TNFSF4: variants seen among roughly 807,000 people sequenced by gnomAD.
TNFSF4 encodes tumor necrosis factor ligand superfamily member 4.
A neutral mutation model predicts 7.3 loss-of-function variants in TNFSF4; 4 were observed. The ratio of observed to expected loss-of-function variants is 0.55; its 90% confidence interval spans 0.27 to 1.25. TNFSF4 has a LOEUF of 1.25. Ranked by LOEUF, TNFSF4 falls within the 50% of genes most tolerant of loss-of-function variation. TNFSF4 has a pLI of 0.12. For missense variants in TNFSF4, 181 were observed against 208.8 expected (o/e 0.87, Z 0.82); for synonymous variants, 76 against 83.7 (o/e 0.91, Z 0.50).
the TNFSF4 span, among the ~76,000 whole-genome samples, chr1:173,176,608 CA>C: frequency 6.6e-6 from 1 of 152,056 alleles, no homozygotes; most frequent in South Asian, 2.1e-4. Context: ...TTCAACCCAG[CA>C]AAACTATTAT....
chr1:173,188,092 C>G (rs1037499153), intron 2 of TNFSF4, among the ~76,000 whole-genome samples: 2 of 152,178 alleles, frequency 1.3e-5, no homozygotes, highest in Non-Finnish European at 2.9e-5. Context: ...TCTCTGGAGT[C>G]GAAGTTTTTA....
At chr1:173,368,611 G>C in the TNFSF4 span, among the ~76,000 whole-genome samples, 1 of 152,108 alleles carries the variant, frequency 6.6e-6, no homozygotes. Context: ...TGGGAGCGTT[G>C]GTTTTCCTGG....
At chr1:173,322,423 G>A in the TNFSF4 span, among the ~76,000 whole-genome samples, 82 of 152,088 alleles carry the variant, frequency 5.4e-4, no homozygotes, top group East Asian at 1.5e-3. Context: ...CAAGATGGCC[G>A]AATAGGAACA....
At chr1:173,336,540 A>T in the TNFSF4 span, among the ~76,000 whole-genome samples, 1 of 152,178 alleles carries the variant, frequency 6.6e-6, no homozygotes, top group Non-Finnish European at 1.5e-5. Context: ...TGAGCCCACA[A>T]GGCCAGAAAT....
chr1:173,312,645 G>T, the TNFSF4 span, among the ~76,000 whole-genome samples: 60 of 152,166 alleles, frequency 3.9e-4, no homozygotes, highest in African/African-American at 1.3e-3. Flanking sequence ...CTTACCACCA[G>T]TCCCTCTCCC....
At chr1:173,319,217 G>A in the TNFSF4 span, among the ~76,000 whole-genome samples, 15 of 152,154 alleles carry the variant, frequency 9.9e-5, no homozygotes, top group African/African-American at 3.1e-4. Flanking sequence ...AGTGCTAAAG[G>A]GTCTGGGAGG....
the TNFSF4 span, among the ~76,000 whole-genome samples, chr1:173,285,668 T>C: frequency 6.6e-6 from 1 of 152,198 alleles, no homozygotes; most frequent in East Asian, 1.9e-4. Flanking sequence ...CAAGTTTCTC[T>C]ACCAGCAAAA....
the TNFSF4 span, among the ~76,000 whole-genome samples, chr1:173,325,298 G>C: frequency 6.6e-6 from 1 of 151,934 alleles, no homozygotes; most frequent in Middle Eastern, 3.2e-3. Flanking sequence ...CAGAAATAAA[G>C]ATGTTCTTTG....
At chr1:173,293,173 T>C in the TNFSF4 span, among the ~76,000 whole-genome samples, 1 of 151,644 alleles carries the variant, frequency 6.6e-6, no homozygotes, top group Non-Finnish European at 1.5e-5. Context: ...CCTAAGCAAA[T>C]AGAACACAGC....
chr1:173,339,693 A>G, the TNFSF4 span, among the ~76,000 whole-genome samples: 1 of 152,146 alleles, frequency 6.6e-6, no homozygotes, highest in African/African-American at 2.4e-5. Context: ...GATATCAAGG[A>G]GAAGAATAAA....
chr1:173,408,041 A>G, the TNFSF4 span, among the ~76,000 whole-genome samples: 1 of 152,200 alleles, frequency 6.6e-6, no homozygotes, highest in Non-Finnish European at 1.5e-5. Flanking sequence ...TCAGACCCCA[A>G]CCATGCTGGC....
the TNFSF4 span, among the ~76,000 whole-genome samples, chr1:173,424,356 A>G: frequency 6.6e-6 from 1 of 152,260 alleles, no homozygotes; most frequent in Admixed American, 6.5e-5. Flanking sequence ...TCACTAAAAG[A>G]GGAAGACCTA....
At chr1:173,273,327 G>A in the TNFSF4 span, among the ~76,000 whole-genome samples, 4 of 151,990 alleles carry the variant, frequency 2.6e-5, no homozygotes, top group Non-Finnish European at 4.4e-5. Context: ...CTCCTGATAC[G>A]GACTTTCTTC....
the TNFSF4 span, among the ~76,000 whole-genome samples, chr1:173,408,691 G>T: frequency 1.1e-4 from 16 of 152,024 alleles, no homozygotes; most frequent in African/African-American, 3.9e-4. Flanking sequence ...AGGCCCAGGT[G>T]ATTCTCCCAC....
chr1:173,198,342 G>T (rs1206397472), intron 1 of TNFSF4, among the ~76,000 whole-genome samples: 2 of 152,188 alleles, frequency 1.3e-5, no homozygotes, highest in African/African-American at 4.8e-5. Flanking sequence ...CCATTTCAAA[G>T]ATTAGGCAAA....
chr1:173,250,442 A>C, the TNFSF4 span, among the ~76,000 whole-genome samples: 2 of 151,530 alleles, frequency 1.3e-5, no homozygotes, highest in Non-Finnish European at 2.9e-5. Context: ...CAGTATCTCC[A>C]GTTTCATTTT....
At chr1:173,305,447 G>A in the TNFSF4 span, among the ~76,000 whole-genome samples, 4 of 151,830 alleles carry the variant, frequency 2.6e-5, no homozygotes, top group East Asian at 3.9e-4. Flanking sequence ...AAACTTTTCC[G>A]TTCAAGCATT....
chr1:173,395,821 T>G, the TNFSF4 span, among the ~76,000 whole-genome samples: 9 of 151,660 alleles, frequency 5.9e-5, no homozygotes, highest in East Asian at 1.6e-3. Context: ...ATTCTAGTAG[T>G]TTTTTTTGCC....
chr1:173,308,774 T>A, the TNFSF4 span, among the ~76,000 whole-genome samples: 1 of 151,998 alleles, frequency 6.6e-6, no homozygotes, highest in Admixed American at 6.6e-5. Flanking sequence ...GGCTAGCCCA[T>A]TCATATGTCT....
Sources: gnomAD v4.1 joint callset for allele counts (sites outside exome capture counted in the v4.1 genomes callset) on GRCh38, gnomAD v4.1.1 for gene constraint, MANE v1.5 for transcripts, NCBI Gene and HGNC (gene_info 2026-07-23, HGNC 2026-07-21) for gene names.